SPOP: variants seen among roughly 807,000 people sequenced by gnomAD.
The protein encoded by SPOP is speckle-type POZ protein.
A neutral mutation model predicts 45.6 loss-of-function variants in SPOP; 11 were observed. The ratio of observed to expected loss-of-function variants is 0.24; its 90% CI spans 0.15 to 0.40. The LOEUF (loss-of-function observed/expected upper bound fraction) is 0.40, where lower values mean the gene tolerates loss of function less well. Ranked by LOEUF, SPOP falls within the 10% of genes least tolerant of loss-of-function variation. The pLI is 1.00. For synonymous variants in SPOP, 166 were observed against 166.3 expected (o/e 1.00, Z 0.01); for missense variants, 152 against 465.6 (o/e 0.33, Z 6.20).
intron 1 of SPOP, among the ~76,000 whole-genome samples, chr17:49,656,110 C>G (rs1428549293): frequency 1.3e-5 from 2 of 152,130 alleles, no homozygotes; most frequent in Non-Finnish European, 2.9e-5. Context: ...CCGTGCCCAG[C>G]CAGGTATTCT....
intron 1 of SPOP, among the ~76,000 whole-genome samples, chr17:49,641,660 T>C (rs2072653470): frequency 6.6e-6 from 1 of 152,118 alleles, no homozygotes; most frequent in Non-Finnish European, 1.5e-5. Context: ...GTTTATGCAC[T>C]TATTAATATT....
chr17:49,599,142 A>T lies in SPOP; in HGVS notation c.*1236T>A, dbSNP rs896422662. 1 of 213,324 alleles carries T rather than the reference A, an allele frequency of 4.7e-6. No homozygotes were observed. The highest frequency in any genetic ancestry group is 9.5e-6 in the Non-Finnish European group (1 of 105,324). The allele number at this position is 213,324 out of a possible 1,614,324, so 13.2% of individuals were successfully genotyped here. A position where few individuals can be genotyped will look rare whatever the true frequency, so the allele number is the denominator to read the frequency against. On this transcript the variant is annotated 3_prime_UTR_variant, in exon 10 of 10. Transcript: ENST00000504102. ...AGAGAACTTGAGATTACGGAGTCTC[A>T]ACAAATCCCTGCGACTCATTAGGCA...
chr17:49,674,923 A>G (rs1175809544), intron 1 of SPOP, among the ~76,000 whole-genome samples: 1 of 152,240 alleles, frequency 6.6e-6, no homozygotes, highest in Non-Finnish European at 1.5e-5. Flanking sequence ...GTATTTATAC[A>G]CAACTCTTCA....
intron 1 of SPOP, among the ~76,000 whole-genome samples, chr17:49,658,116 T>G (rs1490516109): frequency 2.0e-5 from 3 of 152,194 alleles, no homozygotes; most frequent in African/African-American, 7.2e-5. Flanking sequence ...CTTTGAGAAG[T>G]TATTTTTTTA....
chr17:49,666,448 G>GACAGAC (rs1223760366), intron 1 of SPOP, among the ~76,000 whole-genome samples: 10 of 142,010 alleles, frequency 7.0e-5, no homozygotes, highest in African/African-American at 2.6e-4. Context: ...CATGAAGACA[G>GACAGAC]ACACACACAC....
intron 8 of SPOP, among the ~76,000 whole-genome samples, chr17:49,604,632 C>T (rs2071802279): frequency 1.3e-5 from 2 of 152,270 alleles, no homozygotes; most frequent in African/African-American, 4.8e-5. Flanking sequence ...CTCTTTCTCA[C>T]AGGGTCTACT....
chr17:49,607,354 CATT>C lies in SPOP; in HGVS notation c.730_732del (p.Asn244del). ...TCCTTAAAAACTTCAGGCTCCACAT[CATT>C]GATTTCAACTCGATTCTATGCCAGA... On this transcript the variant is annotated inframe_deletion, in exon 8 of 10. Coordinates refer to ENST00000504102, the MANE Select transcript of SPOP (RefSeq NM_001007228.2). 1 of 1,613,538 alleles carries C rather than the reference CATT, an allele frequency of 6.2e-7. No individual in the cohort carries two copies. The highest frequency in any genetic ancestry group is 8.5e-7 in the Non-Finnish European group (1 of 1,179,634).
intron 7 of SPOP, 62 bp from the exon 8 acceptor site, chr17:49,607,434 A>G: frequency 6.4e-7 from 1 of 1,561,098 alleles, no homozygotes; most frequent in South Asian, 1.2e-5. Context: ...AAACTAAACT[A>G]TTTTCATGAT....
chr17:49,621,227 T>C (rs1038649439), intron 3 of SPOP, among the ~76,000 whole-genome samples: 7 of 152,242 alleles, frequency 4.6e-5, no homozygotes, highest in African/African-American at 1.7e-4. Flanking sequence ...GACATATTCC[T>C]GGCCACACAG....
intron 3 of SPOP, among the ~76,000 whole-genome samples, chr17:49,621,597 T>A (rs2072222536): frequency 6.6e-6 from 1 of 152,264 alleles, no homozygotes; most frequent in African/African-American, 2.4e-5. Context: ...TATAGTTAGC[T>A]GGAGCTGAGT....
intron 1 of SPOP, among the ~76,000 whole-genome samples, chr17:49,658,596 G>T (rs886853412): frequency 2.0e-5 from 3 of 152,178 alleles, no homozygotes; most frequent in African/African-American, 7.2e-5. Context: ...TTTACCCATA[G>T]CTTTCACTGA....
intron 6 of SPOP, among the ~76,000 whole-genome samples, chr17:49,610,861 A>T (rs1476634279): frequency 2.0e-5 from 3 of 152,196 alleles, no homozygotes; most frequent in Admixed American, 2.0e-4. Context: ...TAGTATGTTT[A>T]AATTGAAAAG....
chr17:49,677,145 T>C (rs972538034), intron 1 of SPOP, among the ~76,000 whole-genome samples: 3 of 152,234 alleles, frequency 2.0e-5, no homozygotes, highest in Non-Finnish European at 1.5e-5. Context: ...TAGTTCCATT[T>C]ATGACCCTTA....
intron 3 of SPOP, among the ~76,000 whole-genome samples, chr17:49,620,103 G>C (rs998878867): frequency 2.6e-5 from 4 of 152,062 alleles, no homozygotes; most frequent in African/African-American, 9.7e-5. Flanking sequence ...CTGGGAGGCA[G>C]AGGTTGCAGT....
chr17:49,656,728 AC>A (rs1567798839), intron 1 of SPOP, among the ~76,000 whole-genome samples: 1 of 152,014 alleles, frequency 6.6e-6, no homozygotes, highest in Non-Finnish European at 1.5e-5. Context: ...GTTACTAAGA[AC>A]CCATTAGCTG....
intron 1 of SPOP, among the ~76,000 whole-genome samples, chr17:49,628,766 G>A (rs557685437): frequency 1.4e-4 from 21 of 152,152 alleles, no homozygotes; most frequent in Non-Finnish European, 2.5e-4. Context: ...TAATGCTGTC[G>A]TGATGCACAG....
Position 49,600,441 on chromosome 17 carries a change from G to A in SPOP, c.1062C>T (p.Arg354=). 6.2e-7 allele frequency: 1 copy of A among 1,614,170 alleles called. No homozygotes were observed. The highest frequency in any genetic ancestry group is 8.5e-7 in the Non-Finnish European group (1 of 1,180,024). Residue 354 remains arginine, a synonymous_variant, in exon 10 of 10, where the codon CGC becomes CGT. Coordinates refer to ENST00000504102, the MANE Select transcript of SPOP (RefSeq NM_001007228.2). This position sits in a 1 kb window ranked among gnomAD's most constrained non-coding sequence, Gnocchi z 4.2. ...SHPHLVAEAY[R]SLASAQCPFL... ...AAGGGCACTGTGCTGAAGCCAGAGA[G>A]CGGTATGCCTCAGCCACCAAGTGGG...
chr17:49,625,840 A>T (rs988996451), intron 1 of SPOP, among the ~76,000 whole-genome samples: 6 of 152,208 alleles, frequency 3.9e-5, no homozygotes, highest in Non-Finnish European at 8.8e-5. Context: ...GAGGGAAGGA[A>T]GGAGAAGGAG....
In SPOP at chr17:49,636,820, T is replaced by C. The variant is rs182284626; in HGVS notation, c.-66-13944A>G. 30 of 152,300 alleles carry C rather than the reference T, an allele frequency of 2.0e-4. No individual in the cohort carries two copies. In the East Asian group the frequency reaches 4.0e-3, roughly 21 times the overall value. 9.4% of individuals were successfully genotyped at this position (152,300 alleles called of 1,614,324 possible). A position where few individuals can be genotyped will look rare whatever the true frequency, so the allele number is the denominator to read the frequency against. On this transcript the variant is annotated intron_variant, in intron 1 of 9. Coordinates refer to ENST00000504102, the MANE Select transcript of SPOP (RefSeq NM_001007228.2). ...TCTAACAGGAAATCTCTGTTGGAAA[T>C]AGAGAATATGAATCAGACTTAACTA...
Sources: gnomAD v4.1 joint callset for allele counts (sites outside exome capture counted in the v4.1 genomes callset) on GRCh38, gnomAD v4.1.1 for gene constraint, Gnocchi (gnomAD v3.1) non-coding constraint, MANE v1.5 for transcripts, NCBI Gene and HGNC (gene_info 2026-07-23, HGNC 2026-07-21) for gene names.